Variants in PTPRD observed in about 807,000 individuals in gnomAD.
PTPRD encodes the protein protein tyrosine phosphatase receptor type D, also known as receptor-type tyrosine-protein phosphatase delta.
In PTPRD, 34 loss-of-function variants were observed where a neutral mutation model predicts 214.5. The ratio of observed to expected loss-of-function variants is 0.16; its 90% CI spans 0.12 to 0.21. The LOEUF (loss-of-function observed/expected upper bound fraction) is 0.21. Ranked by LOEUF, PTPRD falls within the 10% of genes least tolerant of loss-of-function variation. The pLI, the probability that PTPRD is intolerant of heterozygous loss-of-function variation, is 1.00. For synonymous variants in PTPRD, 1,128 were observed against 845.7 expected, an observed-to-expected ratio of 1.33 and a Z score of -5.79; for missense variants, 2,545 against 2,398.7, an observed-to-expected ratio of 1.06 and a Z score of -1.27.
At chr9:10,344,153 T>A (rs982532080) in intron 2 of PTPRD, among the ~76,000 whole-genome samples, 1 of 151,838 alleles carries the variant, frequency 6.6e-6, no homozygotes, top group Non-Finnish European at 1.5e-5. Context: ...AGGGTTTTTA[T>A]GGTTTTAGGT....
chr9:10,490,529 C>T (rs1229624971), intron 2 of PTPRD, among the ~76,000 whole-genome samples: 1 of 152,006 alleles, frequency 6.6e-6, no homozygotes, highest in African/African-American at 2.4e-5. Flanking sequence ...TCATAAAGTC[C>T]CTGGATTAAT....
chr9:10,554,494 T>G (rs2784613), intron 2 of PTPRD, among the ~76,000 whole-genome samples: 1 of 152,042 alleles, frequency 6.6e-6, no homozygotes, highest in Non-Finnish European at 1.5e-5. Context: ...TTTCTGATCA[T>G]TGAATATTAT....
chr9:9,354,757 T>C (rs12349439), intron 9 of PTPRD, among the ~76,000 whole-genome samples: 2,071 of 151,840 alleles, frequency 0.014, 52 homozygotes, highest in African/African-American at 0.047. Flanking sequence ...TAAGATAGCA[T>C]GAAGTGGGGT....
chr9:8,791,956 G>C (rs1168508308), intron 11 of PTPRD, among the ~76,000 whole-genome samples: 2 of 152,146 alleles, frequency 1.3e-5, no homozygotes, highest in African/African-American at 2.4e-5. Context: ...TCAGATAAAA[G>C]GGAGAGTGAA....
intron 3 of PTPRD, among the ~76,000 whole-genome samples, chr9:10,094,558 G>C (rs1443089406): frequency 1.1e-5 from 1 of 90,116 alleles, no homozygotes; most frequent in Non-Finnish European, 2.3e-5. Context: ...TTTTTTTTCT[G>C]AAATGGGGCA....
intron 8 of PTPRD, among the ~76,000 whole-genome samples, chr9:9,467,610 A>AAAAAAAAAAT (rs71319223): frequency 6.9e-5 from 10 of 145,368 alleles, no homozygotes; most frequent in African/African-American, 2.5e-4. Context: ...AAAAAAAAAA[A>AAAAAAAAAAT]GTTGAGCAGA....
intron 11 of PTPRD, among the ~76,000 whole-genome samples, chr9:8,803,797 C>T (rs969232294): frequency 2.6e-5 from 4 of 151,730 alleles, no homozygotes; most frequent in African/African-American, 9.7e-5. Flanking sequence ...ATTCATAATA[C>T]CTTTTTTTGG....
chr9:9,480,798 G>T (rs886364146), intron 8 of PTPRD, among the ~76,000 whole-genome samples: 2 of 151,964 alleles, frequency 1.3e-5, no homozygotes, highest in Non-Finnish European at 2.9e-5. Context: ...AAAATAAAAA[G>T]CATACAACTA....
chr9:9,493,328 A>G (rs2096006832), intron 8 of PTPRD, among the ~76,000 whole-genome samples: 1 of 152,128 alleles, frequency 6.6e-6, no homozygotes, highest in African/African-American at 2.4e-5. Flanking sequence ...AGATAAAAAG[A>G]TTTCTTTCCA....
intron 5 of PTPRD, among the ~76,000 whole-genome samples, chr9:9,772,110 A>T (rs2098756601): frequency 1.3e-5 from 2 of 152,148 alleles, no homozygotes; most frequent in Admixed American, 1.3e-4. Context: ...TCATTAAGTT[A>T]AAATAATGCC....
chr9:8,933,462 T>C (rs1272566631), intron 11 of PTPRD, among the ~76,000 whole-genome samples: 1 of 151,520 alleles, frequency 6.6e-6, no homozygotes, highest in Non-Finnish European at 1.5e-5. Context: ...GGATTGGCTG[T>C]AGCTTACATG....
intron 2 of PTPRD, among the ~76,000 whole-genome samples, chr9:10,417,852 T>C (rs2098507267): frequency 6.6e-6 from 1 of 151,746 alleles, no homozygotes; most frequent in Non-Finnish European, 1.5e-5. Context: ...AAATCTTCCA[T>C]TAACTTGCCA....
intron 9 of PTPRD, among the ~76,000 whole-genome samples, chr9:9,222,140 TA>T (rs1015139998): frequency 6.6e-6 from 1 of 152,124 alleles, no homozygotes; most frequent in African/African-American, 2.4e-5. Flanking sequence ...TTATTAGTAT[TA>T]TTTTTCTTAT....
At chr9:9,246,988 C>T (rs1040814108) in intron 9 of PTPRD, among the ~76,000 whole-genome samples, 1 of 91,140 alleles carries the variant, frequency 1.1e-5, no homozygotes, top group East Asian at 2.5e-4. Context: ...TCTCTTGCCA[C>T]TCATTTTCCC....
At chr9:10,351,189 T>C (rs535848028) in intron 2 of PTPRD, among the ~76,000 whole-genome samples, 2 of 152,258 alleles carry the variant, frequency 1.3e-5, no homozygotes, top group East Asian at 3.9e-4. Flanking sequence ...AAAAATATGC[T>C]TGCAAACTCA....
chr9:10,528,674 C>G (rs890801032), intron 2 of PTPRD, among the ~76,000 whole-genome samples: 1 of 152,234 alleles, frequency 6.6e-6, no homozygotes, highest in East Asian at 1.9e-4. Flanking sequence ...ACAACTTGTC[C>G]AGTAATTTGG....
chr9:9,548,781 A>G (rs962871447), intron 8 of PTPRD, among the ~76,000 whole-genome samples: 1 of 152,214 alleles, frequency 6.6e-6, no homozygotes, highest in African/African-American at 2.4e-5. Flanking sequence ...AGCATATTTT[A>G]TAATGATGAA....
intron 9 of PTPRD, among the ~76,000 whole-genome samples, chr9:9,383,805 G>A (rs552844308): frequency 1.4e-4 from 21 of 152,104 alleles, no homozygotes; most frequent in African/African-American, 4.8e-4. Flanking sequence ...CAGCAAGGAC[G>A]TTCAGCTCAC....
intron 11 of PTPRD, among the ~76,000 whole-genome samples, chr9:8,850,310 G>C (rs1436289975): frequency 6.6e-6 from 1 of 152,072 alleles, no homozygotes; most frequent in Non-Finnish European, 1.5e-5. Flanking sequence ...CATATGGCAG[G>C]AGACAGTACA....
Sources: allele counts gnomAD v4.1 joint callset (sites outside exome capture counted in the v4.1 genomes callset), GRCh38; gene constraint gnomAD v4.1.1; transcripts MANE v1.5; gene names NCBI Gene and HGNC (gene_info 2026-07-23, HGNC 2026-07-21).